The following ADRB1 variants were observed in gnomAD, a reference collection of about 807,000 sequenced individuals.
ADRB1 encodes the protein adrenoceptor beta 1, also known as beta-1 adrenergic receptor.
For synonymous variants in ADRB1, 365 were observed against 347.2 expected, an observed-to-expected ratio of 1.05 and a Z score of -0.57; for missense variants, 635 against 709.1, an observed-to-expected ratio of 0.90 and a Z score of 1.19.
rs1482103169 is a variant in ADRB1, at chr10:114,045,518, C to A, written c.1386C>A (p.Ser462Arg). The A allele has an allele frequency of 6.9e-6, 9 of 1,305,138 alleles. No homozygotes were observed. The highest frequency in any genetic ancestry group is 8.8e-6 in the Non-Finnish European group (9 of 1,024,488). The allele number at this position is 1,305,138 out of a possible 1,614,324, so 80.8% of individuals were successfully genotyped here. A position where few individuals can be genotyped will look rare whatever the true frequency, so the allele number is the denominator to read the frequency against. ...NGGAAADSDS[S>R]LDEPCRPGFA... is the part of the protein sequence containing the mutation. ...GGGCGGCGGCGGACAGCGACTCGAG[C>A]CTGGACGAGCCGTGCCGCCCCGGCT... Residue 462 changes from serine (S) to arginine (R), a missense_variant, in exon 1 of 1, where the codon AGC (serine) becomes AGA (arginine). Ser to Arg is a moderately radical substitution (Grantham distance 110). Transcript: ENST00000369295.
In ADRB1 at chr10:114,044,141, G is replaced by A. The variant is rs577981525; in HGVS notation, c.9G>A (p.Ala3=). 3.8e-6 allele frequency: 5 copies of A among 1,311,376 alleles called. No homozygotes were observed. The highest frequency in any genetic ancestry group is 4.8e-6 in the Non-Finnish European group (5 of 1,038,954). The allele number at this position is 1,311,376 out of a possible 1,614,324, so 81.2% of individuals were successfully genotyped here. MG[A]GVLVLGASEP... is the part of the protein sequence containing the mutation. ...GGCCTCCGCAGCTCGGCATGGGCGC[G>A]GGGGTGCTCGTCCTGGGCGCCTCCG... Residue 3 remains alanine, a synonymous_variant, in exon 1 of 1, where the codon GCG becomes GCA. Coordinates refer to ENST00000369295, the MANE Select transcript of ADRB1 (RefSeq NM_000684.3). The surrounding 1 kb of genome is among the most constrained non-coding windows in gnomAD (Gnocchi z 7.8).
chr10:114,044,075 T>C lies in ADRB1; in HGVS notation c.-58T>C, dbSNP rs895813743. 1.5e-5 allele frequency: 18 copies of C among 1,210,948 alleles called. No individual in the cohort carries two copies. Among genetic ancestry groups the C allele is most frequent in the Non-Finnish European group, 1.6e-5 (16 of 974,864 alleles). 75.0% of individuals were successfully genotyped at this position (1,210,948 alleles called of 1,614,324 possible). On this transcript the variant is annotated 5_prime_UTR_variant, in exon 1 of 1. Coordinates refer to ENST00000369295, the MANE Select transcript of ADRB1 (RefSeq NM_000684.3). The surrounding 1 kb of genome is among the most constrained non-coding windows in gnomAD (Gnocchi z 7.8). ...CCACGCCGCCCGGGCTTCTGGGGTG[T>C]TCCCCAACCACGGCCCAGCCCTGCC...
In ADRB1 at chr10:114,045,074, C is replaced by A; in HGVS notation, c.942C>A (p.Leu314=). The A allele has an allele frequency of 6.9e-7, 1 of 1,455,660 alleles. No individual in the cohort carries two copies. Among genetic ancestry groups the A allele is most frequent in the Non-Finnish European group, 9.1e-7 (1 of 1,098,344 alleles). The allele number at this position is 1,455,660 out of a possible 1,614,324, so 90.2% of individuals were successfully genotyped here. A position where few individuals can be genotyped will look rare whatever the true frequency, so the allele number is the denominator to read the frequency against. Residue 314 remains leucine (L), a synonymous_variant, in exon 1 of 1, where the codon CTC becomes CTA. Transcript: ENST00000369295. ...CGGGTAAGCGGCGGCCCTCGCGCCT[C>A]GTGGCCCTGCGCGAGCAGAAGGCGC... ...GRAGKRRPSR[L]VALREQKALK...
Position 114,044,550 on chromosome 10 carries a change from C to T in ADRB1, c.418C>T (p.Leu140=). The T allele has an allele frequency of 6.2e-7, 1 of 1,613,772 alleles. No individual in the cohort carries two copies. The highest frequency in any genetic ancestry group is 8.5e-7 in the Non-Finnish European group (1 of 1,179,968). The change falls in exon 1 of 1, where the codon CTG becomes TTG. Residue 140 remains leucine, a synonymous_variant. Transcript: ENST00000369295. This position sits in a 1 kb window ranked among gnomAD's most constrained non-coding sequence, Gnocchi z 7.8. The part of the protein sequence containing the change: ...FCELWTSVDV[L]CVTASIETLC... Reference sequence around the variant, plus strand: ...CGAGCTGTGGACCTCAGTGGACGTGCTGTGCGTGACGGCCAGCATCGAGAC... The same window carrying T: ...CGAGCTGTGGACCTCAGTGGACGTGTTGTGCGTGACGGCCAGCATCGAGAC...
rs768864377 is a variant in ADRB1 at position 114,044,271 on chromosome 10, A to G, written c.139A>G (p.Ser47Gly). Residue 47 changes from serine (S) to glycine (G), a missense_variant, in exon 1 of 1, where the codon AGC becomes GGC. Coordinates refer to ENST00000369295, the MANE Select transcript of ADRB1 (RefSeq NM_000684.3). The surrounding 1 kb of genome is among the most constrained non-coding windows in gnomAD (Gnocchi z 7.8). ...GCCCGCCTCGTTGCTGCCTCCCGCC[A>G]GCGAAAGCCCCGAGCCGCTGTCTCA... is the stretch of plus-strand genomic sequence containing the variant. ...SPPASLLPPASESPEPLSQQW... is the reference protein window; with the variant it reads ...SPPASLLPPAGESPEPLSQQW... 1 of 1,534,364 alleles carries G rather than the reference A, an allele frequency of 6.5e-7. No homozygotes were observed. Among genetic ancestry groups the G allele is most frequent in the Admixed American group, 2.0e-5 (1 of 49,082 alleles).
chr10:114,044,723 C>G lies in ADRB1; in HGVS notation c.591C>G (p.His197Gln). 1 of 1,612,816 alleles carries G rather than the reference C, an allele frequency of 6.2e-7. No individual in the cohort carries two copies. Among genetic ancestry groups the G allele is most frequent in the Non-Finnish European group, 8.5e-7 (1 of 1,179,822 alleles). Reference sequence around the variant, plus strand: ...TGTCCTTCCTGCCCATCCTCATGCACTGGTGGCGGGCGGAGAGCGACGAGG... The same window carrying G: ...TGTCCTTCCTGCCCATCCTCATGCAGTGGTGGCGGGCGGAGAGCGACGAGG... ...ALVSFLPILMHWWRAESDEAR... is the reference protein window; with the variant it reads ...ALVSFLPILMQWWRAESDEAR... The change falls in exon 1 of 1, where the codon CAC becomes CAG. Residue 197 changes from histidine (H) to glutamine (Q), a missense_variant. Coordinates refer to ENST00000369295, the MANE Select transcript of ADRB1 (RefSeq NM_000684.3). The surrounding 1 kb of genome is among the most constrained non-coding windows in gnomAD (Gnocchi z 7.8).
rs775357052 is a variant in ADRB1, at chr10:114,044,405, G to T, written c.273G>T (p.Thr91=). Residue 91 remains threonine, a synonymous_variant, in exon 1 of 1, where the codon ACG becomes ACT. Transcript: ENST00000369295. The surrounding 1 kb of genome is among the most constrained non-coding windows in gnomAD (Gnocchi z 7.8). ...TCGCCAAGACGCCGCGGCTGCAGAC[G>T]CTCACCAACCTCTTCATCATGTCCC... is the stretch of plus-strand genomic sequence containing the variant. ...VAIAKTPRLQ[T]LTNLFIMSLA... is the part of the protein sequence containing the mutation. 1.2e-6 allele frequency: 2 copies of T among 1,611,476 alleles called. No homozygotes were observed. The highest frequency in any genetic ancestry group is 2.2e-5 in the East Asian group (1 of 44,862).
Position 114,044,357 on chromosome 10 carries a change from C to A in ADRB1, c.225C>A (p.Gly75=). 1 of 1,607,070 alleles carries A rather than the reference C, an allele frequency of 6.2e-7. No individual in the cohort carries two copies. The highest frequency in any genetic ancestry group is 8.5e-7 in the Non-Finnish European group (1 of 1,178,844). Residue 75 remains glycine, a synonymous_variant, in exon 1 of 1, where the codon GGC becomes GGA. Coordinates refer to ENST00000369295, the MANE Select transcript of ADRB1 (RefSeq NM_000684.3). This position sits in a 1 kb window ranked among gnomAD's most constrained non-coding sequence, Gnocchi z 7.8. ...MALIVLLIVA[G]NVLVIVAIAK... Reference sequence around the variant, plus strand: ...TCATCGTGCTGCTCATCGTGGCGGGCAATGTGCTGGTGATCGTGGCCATCG... The same window carrying A: ...TCATCGTGCTGCTCATCGTGGCGGGAAATGTGCTGGTGATCGTGGCCATCG...
In ADRB1 at chr10:114,046,591, GC is replaced by G. The variant is rs761688323; in HGVS notation, c.*1026del. ...TATTTTTTAAAGGGAGAGGGGCTGG[GC>G]AGATCTTAAATAAAATTCAAACTCT... On this transcript the variant is annotated 3_prime_UTR_variant, in exon 1 of 1. Transcript: ENST00000369295. 6 of 167,050 alleles carry G rather than the reference GC, an allele frequency of 3.6e-5. No individual in the cohort carries two copies. Among genetic ancestry groups the G allele is most frequent in the Non-Finnish European group, 8.8e-5 (6 of 68,120 alleles). The allele number at this position is 167,050 out of a possible 1,614,324, so 10.3% of individuals were successfully genotyped here.
In ADRB1 at chr10:114,044,148, C is replaced by A; in HGVS notation, c.16C>A (p.Leu6Ile). 1 of 1,322,166 alleles carries A rather than the reference C, an allele frequency of 7.6e-7. No homozygotes were observed. The highest frequency in any genetic ancestry group is 9.6e-7 in the Non-Finnish European group (1 of 1,045,370). The allele number at this position is 1,322,166 out of a possible 1,614,324, so 81.9% of individuals were successfully genotyped here. A position where few individuals can be genotyped will look rare whatever the true frequency, so the allele number is the denominator to read the frequency against. The change falls in exon 1 of 1, where the codon CTC (leucine) becomes ATC (isoleucine). Residue 6 changes from leucine (L) to isoleucine (I), a missense_variant. Transcript: ENST00000369295. The surrounding 1 kb of genome is among the most constrained non-coding windows in gnomAD (Gnocchi z 7.8). MGAGVLVLGASEPGNL... is the reference protein window; with the variant it reads MGAGVIVLGASEPGNL... ...GCAGCTCGGCATGGGCGCGGGGGTG[C>A]TCGTCCTGGGCGCCTCCGAGCCCGG...
In ADRB1 at chr10:114,046,740, AT is replaced by A. The variant is rs914245365; in HGVS notation, c.*1183del. The A allele has an allele frequency of 1.1e-3, 190 of 165,808 alleles. 2 individuals carry two copies. The highest frequency in any genetic ancestry group is 4.2e-3 in the African/African-American group (174 of 41,316). 10.3% of individuals were successfully genotyped at this position (165,808 alleles called of 1,614,324 possible). ...AATATAATTATCTTAAGGATTTTTT[AT>A]TTTTTTTTATGTCCAAGTGCCCACG... On this transcript the variant is annotated 3_prime_UTR_variant, in exon 1 of 1. Coordinates refer to ENST00000369295, the MANE Select transcript of ADRB1 (RefSeq NM_000684.3).
chr10:114,044,034 G>T lies in ADRB1; in HGVS notation c.-99G>T. On this transcript the variant is annotated 5_prime_UTR_variant, in exon 1 of 1. Transcript: ENST00000369295. The surrounding 1 kb of genome is among the most constrained non-coding windows in gnomAD (Gnocchi z 7.8). ...GCCGCGGCTGCCCTGACCCGGCCGC[G>T]ACCTCCCTCTGCGCACCACGCCGCC... The T allele has an allele frequency of 4.0e-6, 4 of 1,010,346 alleles. No individual in the cohort carries two copies. The highest frequency in any genetic ancestry group is 5.0e-6 in the Non-Finnish European group (4 of 801,268). The allele number at this position is 1,010,346 out of a possible 1,614,324, so 62.6% of individuals were successfully genotyped here. A position where few individuals can be genotyped will look rare whatever the true frequency, so the allele number is the denominator to read the frequency against.
chr10:114,044,110 G>T lies in ADRB1; in HGVS notation c.-23G>T. The T allele has an allele frequency of 8.0e-7, 1 of 1,251,964 alleles. No homozygotes were observed. Among genetic ancestry groups the T allele is most frequent in the Non-Finnish European group, 1.0e-6 (1 of 1,003,158 alleles). 77.6% of individuals were successfully genotyped at this position (1,251,964 alleles called of 1,614,324 possible). A position where few individuals can be genotyped will look rare whatever the true frequency, so the allele number is the denominator to read the frequency against. ...ACGGCCCAGCCCTGCCACACCCCCCGCCCCCGGCCTCCGCAGCTCGGCATG... is the reference window on the plus strand; with the variant it reads ...ACGGCCCAGCCCTGCCACACCCCCCTCCCCCGGCCTCCGCAGCTCGGCATG... On this transcript the variant is annotated 5_prime_UTR_variant, in exon 1 of 1. Coordinates refer to ENST00000369295, the MANE Select transcript of ADRB1 (RefSeq NM_000684.3). The surrounding 1 kb of genome is among the most constrained non-coding windows in gnomAD (Gnocchi z 7.8).
Position 114,044,373 on chromosome 10 carries a change from G to C in ADRB1, c.241G>C (p.Val81Leu). 1.2e-6 allele frequency: 2 copies of C among 1,609,192 alleles called. No individual in the cohort carries two copies. Among genetic ancestry groups the C allele is most frequent in the Middle Eastern group, 1.7e-4 (1 of 6,056 alleles). Reference protein sequence around the residue: ...LIVAGNVLVIVAIAKTPRLQT... With the variant: ...LIVAGNVLVILAIAKTPRLQT... ...CGTGGCGGGCAATGTGCTGGTGATC[G>C]TGGCCATCGCCAAGACGCCGCGGCT... Residue 81 changes from valine (V) to leucine (L), a missense_variant, in exon 1 of 1, where the codon GTG becomes CTG. Val to Leu is a conservative substitution (Grantham distance 32). Coordinates refer to ENST00000369295, the MANE Select transcript of ADRB1 (RefSeq NM_000684.3). The surrounding 1 kb of genome is among the most constrained non-coding windows in gnomAD (Gnocchi z 7.8).
At position 114,045,680 on chromosome 10, in the gene ADRB1, A is replaced by T. The variant is rs1455888314; in HGVS notation, c.*114A>T. On this transcript the variant is annotated 3_prime_UTR_variant, in exon 1 of 1. Coordinates refer to ENST00000369295, the MANE Select transcript of ADRB1 (RefSeq NM_000684.3). Reference sequence around the variant, plus strand: ...GAAGCCCACAATCCTCGTCTGAATCATCCGAGGCAAAGAGAAAAGCCACGG... The same window carrying T: ...GAAGCCCACAATCCTCGTCTGAATCTTCCGAGGCAAAGAGAAAAGCCACGG... The T allele has an allele frequency of 1.5e-5, 16 of 1,087,372 alleles. No homozygotes were observed. The highest frequency in any genetic ancestry group is 1.9e-5 in the Non-Finnish European group (16 of 845,074). 67.4% of individuals were successfully genotyped at this position (1,087,372 alleles called of 1,614,324 possible). A position where few individuals can be genotyped will look rare whatever the true frequency, so the allele number is the denominator to read the frequency against.
Position 114,044,260 on chromosome 10 carries a change from T to C in ADRB1, c.128T>C (p.Leu43Pro). 1 of 1,510,360 alleles carries C rather than the reference T, an allele frequency of 6.6e-7. No homozygotes were observed. Among genetic ancestry groups the C allele is most frequent in the African/African-American group, 1.4e-5 (1 of 69,854 alleles). 93.6% of individuals were successfully genotyped at this position (1,510,360 alleles called of 1,614,324 possible). A position where few individuals can be genotyped will look rare whatever the true frequency, so the allele number is the denominator to read the frequency against. Reference protein sequence around the residue: ...LVPASPPASLLPPASESPEPL... With the variant: ...LVPASPPASLPPPASESPEPL... ...CCCGCGTCGCCGCCCGCCTCGTTGC[T>C]GCCTCCCGCCAGCGAAAGCCCCGAG... The change falls in exon 1 of 1, where the codon CTG (leucine) becomes CCG (proline). Residue 43 changes from leucine (L) to proline (P), a missense_variant. Leu to Pro is a moderately conservative substitution (Grantham distance 98). Coordinates refer to ENST00000369295, the MANE Select transcript of ADRB1 (RefSeq NM_000684.3). This position sits in a 1 kb window ranked among gnomAD's most constrained non-coding sequence, Gnocchi z 7.8.
At position 114,045,797 on chromosome 10, in the gene ADRB1, C is replaced by CTTT. The variant is rs1400945012; in HGVS notation, c.*233_*234insTTT. 1,345 of 180,194 alleles carry CTTT rather than the reference C, an allele frequency of 7.5e-3. 47 individuals carry two copies. Among genetic ancestry groups the CTTT allele is most frequent in the Admixed American group, 0.012 (110 of 9,376 alleles). 11.2% of individuals were successfully genotyped at this position (180,194 alleles called of 1,614,324 possible). A position where few individuals can be genotyped will look rare whatever the true frequency, so the allele number is the denominator to read the frequency against. ...TTTTTTTTCTTTTCTTTTCTTTCTT[C>CTTT]TTCTTTTTTTTTTTTTTTTTTTTTT... On this transcript the variant is annotated 3_prime_UTR_variant, in exon 1 of 1. Coordinates refer to ENST00000369295, the MANE Select transcript of ADRB1 (RefSeq NM_000684.3).
At position 114,045,520 on chromosome 10, in the gene ADRB1, T is replaced by C; in HGVS notation, c.1388T>C (p.Leu463Pro). ...GGAAADSDSSLDEPCRPGFAS... is the reference protein window; with the variant it reads ...GGAAADSDSSPDEPCRPGFAS... Reference sequence around the variant, plus strand: ...GCGGCGGCGGACAGCGACTCGAGCCTGGACGAGCCGTGCCGCCCCGGCTTC... The same window carrying C: ...GCGGCGGCGGACAGCGACTCGAGCCCGGACGAGCCGTGCCGCCCCGGCTTC... The change falls in exon 1 of 1, where the codon CTG (leucine) becomes CCG (proline). Residue 463 changes from leucine to proline, a missense_variant. By Grantham distance (98) the Leu-to-Pro change is moderately conservative. Coordinates refer to ENST00000369295, the MANE Select transcript of ADRB1 (RefSeq NM_000684.3). The C allele has an allele frequency of 7.7e-7, 1 of 1,306,284 alleles. No individual in the cohort carries two copies. Among genetic ancestry groups the C allele is most frequent in the Non-Finnish European group, 9.8e-7 (1 of 1,024,684 alleles). 80.9% of individuals were successfully genotyped at this position (1,306,284 alleles called of 1,614,324 possible). A position where few individuals can be genotyped will look rare whatever the true frequency, so the allele number is the denominator to read the frequency against.
rs1847562513 is a variant in ADRB1 at position 114,046,118 on chromosome 10, A to C, written c.*552A>C. Reference sequence around the variant, plus strand: ...TTTCTAAGTAATGATTTCTGCTGTTATGAAAGCAAAGAGAAAGGATGGAGG... The same window carrying C: ...TTTCTAAGTAATGATTTCTGCTGTTCTGAAAGCAAAGAGAAAGGATGGAGG... On this transcript the variant is annotated 3_prime_UTR_variant, in exon 1 of 1. Transcript: ENST00000369295. The C allele has an allele frequency of 6.0e-6, 1 of 167,024 alleles. No homozygotes were observed. Among genetic ancestry groups the C allele is most frequent in the Admixed American group, 6.6e-5 (1 of 15,266 alleles). 10.3% of individuals were successfully genotyped at this position (167,024 alleles called of 1,614,324 possible).
Sources: gnomAD v4.1 joint callset for allele counts on GRCh38, gnomAD v4.1.1 for gene constraint, Gnocchi (gnomAD v3.1) non-coding constraint, MANE v1.5 for transcripts, NCBI Gene and HGNC (gene_info 2026-07-23, HGNC 2026-07-21) for gene names.